ZFHX3: variants seen among roughly 807,000 people sequenced by gnomAD.
ZFHX3 encodes zinc finger homeobox 3.
ZFHX3 carries 42 observed loss-of-function variants against 279.1 expected under a neutral mutation model. That is an observed-to-expected ratio of 0.15 (90% CI 0.12 to 0.19). The LOEUF (loss-of-function observed/expected upper bound fraction) is 0.19. Ranked by LOEUF, ZFHX3 falls within the 10% of genes least tolerant of loss-of-function variation. ZFHX3 has a pLI of 1.00. For missense variants in ZFHX3, 4,981 were observed against 4,754.0 expected, an observed-to-expected ratio of 1.05 and a Z score of -1.40; for synonymous variants, 2,293 against 1,957.8, an observed-to-expected ratio of 1.17 and a Z score of -4.52.
intron 2 of ZFHX3, among the ~76,000 whole-genome samples, chr16:73,478,884 C>T (rs1289777556): frequency 1.3e-5 from 2 of 152,136 alleles, no homozygotes; most frequent in African/African-American, 2.4e-5. Flanking sequence ...AACCCTGTCT[C>T]AACTAAAAAT....
rs139628279 is a variant in ZFHX3, at chr16:73,654,279, G to C, written c.-1547+25901C>G. 3.4e-4 allele frequency among the ~76,000 whole-genome samples: 52 copies of C among 151,650 alleles called. No homozygotes were observed. The East Asian group carries it at 9.5e-3, about 28-fold the overall frequency. On this transcript the variant is annotated intron_variant, in intron 2 of 17. Transcript: ENST00000641206. Reference sequence around the variant, plus strand: ...GTACGACATTTAACAAAATTGGCTAGATACTTTAGTAGTCTAATAACTATT... The same window carrying C: ...GTACGACATTTAACAAAATTGGCTACATACTTTAGTAGTCTAATAACTATT...
intron 3 of ZFHX3, among the ~76,000 whole-genome samples, chr16:73,433,722 C>A (rs2017948218): frequency 6.6e-6 from 1 of 152,188 alleles, no homozygotes. Flanking sequence ...GACGCCCAGC[C>A]TGTACTGGCA....
intron 4 of ZFHX3, among the ~76,000 whole-genome samples, chr16:73,288,824 A>T (rs2143090854): frequency 6.6e-6 from 1 of 152,060 alleles, no homozygotes; most frequent in Admixed American, 6.5e-5. Flanking sequence ...TGGATTATTT[A>T]GAATTTCTGA....
At chr16:73,019,308 A>T (rs1204508969) in intron 1 of ZFHX3, among the ~76,000 whole-genome samples, 1 of 151,688 alleles carries the variant, frequency 6.6e-6, no homozygotes, top group Non-Finnish European at 1.5e-5. Context: ...AGGGCCTCTG[A>T]ATCCTCCACC....
At position 72,783,555 on chromosome 16, in the gene ZFHX3, T is replaced by C. The variant is rs551110753; in HGVS notation, c.*3609A>G. 1 of 152,684 alleles carries C rather than the reference T, an allele frequency of 6.5e-6. No individual in the cohort carries two copies. Among genetic ancestry groups the C allele is most frequent in the African/African-American group, 2.4e-5 (1 of 41,572 alleles). The allele number at this position is 152,684 out of a possible 1,614,324, so 9.5% of individuals were successfully genotyped here. ...CTTTATTTTCAATTGTGTAAAACTT[T>C]GGCCACATTCATCTCTTTAAATAGC... On this transcript the variant is annotated 3_prime_UTR_variant, in exon 10 of 10. Coordinates refer to ENST00000268489, the MANE Select transcript of ZFHX3 (RefSeq NM_006885.4).
chr16:73,429,837 T>C (rs2017881505), intron 3 of ZFHX3, among the ~76,000 whole-genome samples: 1 of 152,160 alleles, frequency 6.6e-6, no homozygotes, highest in African/African-American at 2.4e-5. Flanking sequence ...CACAGATGGC[T>C]TGGGGCTCTG....
At chr16:73,200,453 A>G (rs933532886) in intron 5 of ZFHX3, among the ~76,000 whole-genome samples, 1 of 152,232 alleles carries the variant, frequency 6.6e-6, no homozygotes, top group Non-Finnish European at 1.5e-5. Context: ...ATGAAAAATG[A>G]TATCTTTTCA....
chr16:73,380,313 C>T (rs1333698851), intron 3 of ZFHX3, among the ~76,000 whole-genome samples: 1 of 152,062 alleles, frequency 6.6e-6, no homozygotes, highest in African/African-American at 2.4e-5. Context: ...CAGAATTAGA[C>T]ATATTTACAA....
chr16:73,798,017 C>T (rs929785988), intron 1 of ZFHX3, among the ~76,000 whole-genome samples: 2 of 151,946 alleles, frequency 1.3e-5, no homozygotes, highest in South Asian at 4.2e-4. Context: ...CCATGTTGCC[C>T]AGGCTGGTCT....
chr16:73,867,553 T>C (rs1375383276), intron 1 of ZFHX3, among the ~76,000 whole-genome samples: 1 of 152,248 alleles, frequency 6.6e-6, no homozygotes, highest in Non-Finnish European at 1.5e-5. Flanking sequence ...GCTTCTTAGT[T>C]TGACCACTGA....
At position 72,820,145 on chromosome 16, in the gene ZFHX3, T is replaced by TGG. The variant is rs527763082; in HGVS notation, c.3530-8109_3530-8108dup. On this transcript the variant is annotated intron_variant, in intron 5 of 9. Coordinates refer to ENST00000268489, the MANE Select transcript of ZFHX3 (RefSeq NM_006885.4). The stretch of plus-strand genomic sequence containing the variant: ...GAATGGGGGTTCAGGCACCATTCTG[T>TGG]GGGGCCTCTGCTTTCTCTGCAGGAA... Among the ~76,000 whole-genome samples, 4 of 152,254 alleles carry TGG rather than the reference T, an allele frequency of 2.6e-5. No homozygotes were observed. In the South Asian group the frequency reaches 8.3e-4, roughly 32 times the overall value.
At chr16:73,376,598 T>A (rs145070026) in intron 3 of ZFHX3, among the ~76,000 whole-genome samples, 1 of 152,224 alleles carries the variant, frequency 6.6e-6, no homozygotes, top group Non-Finnish European at 1.5e-5. Context: ...TTTTGCATCA[T>A]TGGCTGGAGT....
chr16:72,795,913 A>C lies in ZFHX3; in HGVS notation c.6769T>G (p.Leu2257Val), dbSNP rs774723835. The stretch of plus-strand genomic sequence containing the variant: ...GCATTGGCATCGAAGAAGTCCTGTA[A>C]GACCCTCAGCTGGTAGTCCGTAAAC... ...TRFTDYQLRV[L>V]QDFFDANAYP... Residue 2257 changes from leucine to valine, a missense_variant, in exon 9 of 10, where the codon TTA becomes GTA. By Grantham distance (32) the Leu-to-Val change is conservative. Around this residue, in one of 7 missense-constraint regions of ZFHX3, gnomAD observed 177 missense variants for 244.2 expected, o/e 0.72. Transcript: ENST00000268489. The C allele has an allele frequency of 6.2e-7, 1 of 1,614,144 alleles. No homozygotes were observed.
chr16:73,860,631 T>C (rs1961856819), intron 1 of ZFHX3, among the ~76,000 whole-genome samples: 1 of 152,234 alleles, frequency 6.6e-6, no homozygotes. Context: ...ACTTATATCT[T>C]GGTAGAAAGG....
At chr16:72,955,937 T>TA (rs1255671653) in intron 2 of ZFHX3, among the ~76,000 whole-genome samples, 1 of 152,184 alleles carries the variant, frequency 6.6e-6, no homozygotes, top group Non-Finnish European at 1.5e-5. Context: ...AAGAAAACCT[T>TA]AGAGTACTCA....
At chr16:73,354,830 C>G (rs1207587619) in intron 3 of ZFHX3, among the ~76,000 whole-genome samples, 1 of 152,174 alleles carries the variant, frequency 6.6e-6, no homozygotes, top group Admixed American at 6.5e-5. Flanking sequence ...GCATCAGCCC[C>G]AAGATTCCCT....
chr16:73,031,971 T>C lies in ZFHX3; in HGVS notation c.-50+15781A>G, dbSNP rs139488457. ...GGCCTGGCATTGCCTCAAAACTTTA[T>C]GAGCTCCTGAGAGCCCCTAAAGAAA... On this transcript the variant is annotated intron_variant, in intron 1 of 9. Transcript: ENST00000268489. Among the ~76,000 whole-genome samples the C allele has an allele frequency of 4.6e-5, 7 of 152,164 alleles. No homozygotes were observed. The East Asian group carries it at 7.7e-4, about 17-fold the overall frequency.
chr16:72,823,594 C>T (rs1262152230), intron 5 of ZFHX3, among the ~76,000 whole-genome samples: 1 of 152,180 alleles, frequency 6.6e-6, no homozygotes, highest in African/African-American at 2.4e-5. Context: ...TTGAGAAAGC[C>T]TTGAGCCTTT....
In ZFHX3 at chr16:72,787,277, C is replaced by G; in HGVS notation, c.10999G>C (p.Asp3667His). The change falls in exon 10 of 10, where the codon GAT becomes CAT. Residue 3667 changes from aspartate to histidine, a missense_variant. By Grantham distance (81) the Asp-to-His change is moderately conservative (BLOSUM62 -1). This residue lies in a region of ZFHX3 where 1,034 missense variants were observed against 786.0 expected (regional missense o/e 1.32). Transcript: ENST00000268489. The stretch of plus-strand genomic sequence containing the variant: ...GGTCCGTCGGACTTTTGGCTGAGAT[C>G]CGTGTCAGACTCCTCCGAATAGTCG... ...TDDYSEESDTDLSQKSDGPAS... is the reference protein window; with the variant it reads ...TDDYSEESDTHLSQKSDGPAS... 1 of 1,614,020 alleles carries G rather than the reference C, an allele frequency of 6.2e-7. No individual in the cohort carries two copies. Among genetic ancestry groups the G allele is most frequent in the African/African-American group, 1.3e-5 (1 of 74,990 alleles).
Sources: gnomAD v4.1 joint callset for allele counts (sites outside exome capture counted in the v4.1 genomes callset) on GRCh38, gnomAD v4.1.1 for gene constraint, gnomAD v4.1.1 regional missense constraint, MANE v1.5 for transcripts, NCBI Gene and HGNC (gene_info 2026-07-23, HGNC 2026-07-21) for gene names.